CEP170B: variants seen among roughly 807,000 people sequenced by gnomAD.
CEP170B encodes the protein centrosomal protein 170B.
CEP170B carries 55 observed loss-of-function variants against 120.6 expected under a neutral mutation model. The ratio of observed to expected loss-of-function variants is 0.46; its 90% CI spans 0.37 to 0.57. The LOEUF is 0.57. Ranked by LOEUF, CEP170B falls within the 20% of genes least tolerant of loss-of-function variation. The pLI, the probability that CEP170B is intolerant of heterozygous loss-of-function variation, is 0.00. For synonymous variants in CEP170B, 1,033 were observed against 954.5 expected (o/e 1.08, Z -1.52); for missense variants, 2,212 against 2,253.3 (o/e 0.98, Z 0.37).
At chr14:104,877,836 A>ACCCCCCCCCCCCCCCCCCCCCCC in intron 3 of CEP170B, 49 bp from the exon 4 acceptor site, 1 of 237,070 alleles carries the variant, frequency 4.2e-6, no homozygotes, top group Non-Finnish European at 6.7e-6. Context: ...GCCCACAGCC[A>ACCCCCCCCCCCCCCCCCCCCCCC]CCCACCCGCG....
chr14:104,874,694 A>C (rs557081733), intron 2 of CEP170B, among the ~76,000 whole-genome samples: 44 of 130,494 alleles, frequency 3.4e-4, no homozygotes, highest in African/African-American at 1.3e-3. Context: ...TCCTCCCCTC[A>C]GTCCTCCACT....
chr14:104,895,057 G>A lies in CEP170B; in HGVS notation c.*99G>A. On this transcript the variant is annotated 3_prime_UTR_variant, in exon 19 of 19. Transcript: ENST00000414716. Reference sequence around the variant, plus strand: ...CTGGCCGCAGGTGGTTCTCCCTGAAGACCCCCACATGTGCCATATCCCTGT... The same window carrying A: ...CTGGCCGCAGGTGGTTCTCCCTGAAAACCCCCACATGTGCCATATCCCTGT... 7.4e-7 allele frequency: 1 copy of A among 1,354,972 alleles called. No homozygotes were observed. Among genetic ancestry groups the A allele is most frequent in the Non-Finnish European group, 9.9e-7 (1 of 1,015,104 alleles). 83.9% of individuals were successfully genotyped at this position (1,354,972 alleles called of 1,614,324 possible).
Position 104,892,961 on chromosome 14 carries a change from T to C in CEP170B, c.3879-15T>C, listed in dbSNP as rs1595361493. ...TCCTCTGTGCAGAACCTGCCGTCTT[T>C]CCTGCCGGCTGCAGGCTGAGCCAGA... On this transcript the variant is annotated splice_polypyrimidine_tract_variant and intron_variant, in intron 13 of 18. Transcript: ENST00000414716. The C allele has an allele frequency of 6.4e-7, 1 of 1,555,260 alleles. No homozygotes were observed.
chr14:104,890,744 A>ATGG (rs1209797247), intron 13 of CEP170B, among the ~76,000 whole-genome samples: 433 of 17,998 alleles, frequency 0.024, no homozygotes, highest in Middle Eastern at 0.083. Flanking sequence ...TGGATGGATG[A>ATGG]ATGGATGAGT....
chr14:104,880,427 T>C lies in CEP170B; in HGVS notation c.472+2T>C. On this transcript the variant is annotated splice_donor_variant, in intron 6 of 18. Transcript: ENST00000414716. LOFTEE classifies it high-confidence loss of function. Reference sequence around the variant, plus strand: ...AGGGGGACCGGAGACCAGGAACAGGTAGGCCCAGGCAGTGCGGATGGGGTG... The same window carrying C: ...AGGGGGACCGGAGACCAGGAACAGGCAGGCCCAGGCAGTGCGGATGGGGTG... The C allele has an allele frequency of 1.2e-6, 2 of 1,611,626 alleles. No individual in the cohort carries two copies. The highest frequency in any genetic ancestry group is 1.1e-5 in the South Asian group (1 of 90,856).
At chr14:104,878,034 T>C in intron 4 of CEP170B, 71 bp downstream of exon 4, 2 of 1,281,500 alleles carry the variant, frequency 1.6e-6, no homozygotes, top group Non-Finnish European at 1.1e-6. Flanking sequence ...ACCCTGTTAC[T>C]CCAGAAGCAG....
In CEP170B at chr14:104,895,063, C is replaced by G. The variant is rs1364810840; in HGVS notation, c.*105C>G. On this transcript the variant is annotated 3_prime_UTR_variant, in exon 19 of 19. Transcript: ENST00000414716. ...GCAGGTGGTTCTCCCTGAAGACCCC[C>G]ACATGTGCCATATCCCTGTGGGCGG... 7.7e-7 allele frequency: 1 copy of G among 1,304,566 alleles called. No homozygotes were observed. Among genetic ancestry groups the G allele is most frequent in the South Asian group, 1.5e-5 (1 of 65,402 alleles). The allele number at this position is 1,304,566 out of a possible 1,614,324, so 80.8% of individuals were successfully genotyped here. A position where few individuals can be genotyped will look rare whatever the true frequency, so the allele number is the denominator to read the frequency against.
At chr14:104,880,696 C>A (rs1361963713) in intron 6 of CEP170B, among the ~76,000 whole-genome samples, 1 of 151,370 alleles carries the variant, frequency 6.6e-6, no homozygotes, top group Non-Finnish European at 1.5e-5. Context: ...CCCATGCATG[C>A]CTGCATCTTC....
rs372643760 is a variant in CEP170B at position 104,886,120 on chromosome 14, G to C, written c.2025G>C (p.Pro675=). Residue 675 remains proline (P), a synonymous_variant, in exon 11 of 19, where the codon CCG becomes CCC. Transcript: ENST00000414716. The part of the protein sequence containing the change: ...WASLADSYSD[P]GLTEDGLGRR... The stretch of plus-strand genomic sequence containing the variant: ...GCCTGGCTGACAGCTACTCAGACCC[G>C]GGCCTCACAGGTAAGTGGCTCCAGT... 6.5e-7 allele frequency: 1 copy of C among 1,540,248 alleles called. No homozygotes were observed. Among genetic ancestry groups the C allele is most frequent in the East Asian group, 2.4e-5 (1 of 40,860 alleles).
In CEP170B at chr14:104,889,601, C is replaced by T. The variant is rs748321918; in HGVS notation, c.3740-19C>T. ...CCGCCACGGCTCCCCCAAACACACA[C>T]GCTCCCACACCTCAACAGCCACTCA... On this transcript the variant is annotated intron_variant, in intron 12 of 18. Transcript: ENST00000414716. 28 of 1,608,758 alleles carry T rather than the reference C, an allele frequency of 1.7e-5. No individual in the cohort carries two copies. Among genetic ancestry groups the T allele is most frequent in the African/African-American group, 1.2e-4 (9 of 74,908 alleles).
chr14:104,883,450 T>G lies in CEP170B; in HGVS notation c.993T>G (p.Pro331=), dbSNP rs1896270979. 1.3e-6 allele frequency: 2 copies of G among 1,561,490 alleles called. No homozygotes were observed. Among genetic ancestry groups the G allele is most frequent in the Non-Finnish European group, 8.7e-7 (1 of 1,153,780 alleles). Reference sequence around the variant, plus strand: ...CGAGCCTGCTGCACCGGGTTGGCCCTGGGGATGACCGCCACAGCACCAAGA... The same window carrying G: ...CGAGCCTGCTGCACCGGGTTGGCCCGGGGGATGACCGCCACAGCACCAAGA... ...NDPSLLHRVG[P]GDDRHSTKSD... is the part of the protein sequence containing the mutation. Residue 331 remains proline, a synonymous_variant, in exon 8 of 19, where the codon CCT becomes CCG. Coordinates refer to ENST00000414716, the MANE Select transcript of CEP170B (RefSeq NM_001112726.3).
In CEP170B at chr14:104,883,321, C is replaced by T; in HGVS notation, c.864C>T (p.Thr288=). The T allele has an allele frequency of 1.2e-6, 2 of 1,612,052 alleles. No individual in the cohort carries two copies. Among genetic ancestry groups the T allele is most frequent in the Non-Finnish European group, 1.7e-6 (2 of 1,179,690 alleles). Residue 288 remains threonine, a synonymous_variant, in exon 8 of 19, where the codon ACC becomes ACT. Transcript: ENST00000414716. ...AGATGAAGATCAAGGACCATATCAC[C>T]AAGTTTTCCCTGCGCCAGCGGCGGC... ...PGKMKIKDHI[T]KFSLRQRRPP...
In CEP170B at chr14:104,868,440, C is replaced by T. The variant is rs1309242953; in HGVS notation, c.-11C>T. ...CTTCCCCAGGGCCAGACGGGCCCAG[C>T]CAGCACCAAGATGAGTGCCACGTCC... On this transcript the variant is annotated 5_prime_UTR_variant, in exon 2 of 19. Transcript: ENST00000414716. The surrounding 1 kb of genome is among the most constrained non-coding windows in gnomAD (Gnocchi z 5.9). The T allele has an allele frequency of 2.6e-6, 4 of 1,547,788 alleles. 1 individual carries two copies. The Admixed American group carries it at 7.8e-5, about 30-fold the overall frequency.
At chr14:104,888,084 C>T (rs1428559297) in intron 12 of CEP170B, 106 bp downstream of exon 12, 1 of 1,227,184 alleles carries the variant, frequency 8.1e-7, no homozygotes, top group South Asian at 1.6e-5. Flanking sequence ...CTGGTCCTGG[C>T]ACGAGAGGAG....
rs372201118 is a variant in CEP170B at position 104,889,633 on chromosome 14, G to A, written c.3753G>A (p.Pro1251=). ...SARYTSTTQT[P]RAGSSSRARS... Reference sequence around the variant, plus strand: ...ACACCTCAACAGCCACTCAGACCCCGAGGGCTGGCAGCTCCAGCCGGGCTC... The same window carrying A: ...ACACCTCAACAGCCACTCAGACCCCAAGGGCTGGCAGCTCCAGCCGGGCTC... The change falls in exon 13 of 19, where the codon CCG becomes CCA. Residue 1251 remains proline, a synonymous_variant. Coordinates refer to ENST00000414716, the MANE Select transcript of CEP170B (RefSeq NM_001112726.3). The A allele has an allele frequency of 8.7e-6, 14 of 1,611,496 alleles. No individual in the cohort carries two copies. Among genetic ancestry groups the A allele is most frequent in the Admixed American group, 8.3e-5 (5 of 59,978 alleles).
At position 104,866,634 on chromosome 14, in the gene CEP170B, C is replaced by G. The variant is rs74573221; in HGVS notation, c.-28+1121C>G. Among the ~76,000 whole-genome samples the G allele has an allele frequency of 1.6e-3, 246 of 152,304 alleles. 2 individuals carry two copies. The highest frequency in any genetic ancestry group is 5.7e-3 in the African/African-American group (235 of 41,562). On this transcript the variant is annotated intron_variant, in intron 1 of 18. Coordinates refer to ENST00000414716, the MANE Select transcript of CEP170B (RefSeq NM_001112726.3). The stretch of plus-strand genomic sequence containing the variant: ...AGGATTTTTCTACATCTTCCCACCT[C>G]CCTGCCCAAGGTGAGGGTTTACCAT...
intron 9 of CEP170B, 68 bp downstream of exon 9, chr14:104,884,617 G>C (rs1204375480): frequency 2.6e-5 from 38 of 1,435,598 alleles, no homozygotes; most frequent in Non-Finnish European, 3.3e-5. Context: ...CGGGGGTGGC[G>C]AGTGAGAGCC....
chr14:104,894,258 A>G (rs751560651), intron 16 of CEP170B, 27 bp from the exon 17 acceptor site: 2 of 1,553,440 alleles, frequency 1.3e-6, no homozygotes, highest in African/African-American at 1.4e-5. Flanking sequence ...TTGTCCCCCC[A>G]TTTCTGCCTC....
chr14:104,889,348 A>C (rs1054073222), intron 12 of CEP170B, among the ~76,000 whole-genome samples: 4 of 152,170 alleles, frequency 2.6e-5, no homozygotes, highest in Admixed American at 2.0e-4. Flanking sequence ...CCTGGAGCTC[A>C]GCAGCTGTTG....
Sources: gnomAD v4.1 joint callset for allele counts (sites outside exome capture counted in the v4.1 genomes callset) on GRCh38, gnomAD v4.1.1 for gene constraint, Gnocchi (gnomAD v3.1) non-coding constraint, MANE v1.5 for transcripts, NCBI Gene and HGNC (gene_info 2026-07-23, HGNC 2026-07-21) for gene names.